Variants in HERC3 observed in about 807,000 individuals in gnomAD.
HERC3 encodes HECT and RLD domain containing E3 ubiquitin protein ligase 3, also known as probable E3 ubiquitin-protein ligase HERC3.
HERC3 carries 58 observed loss-of-function variants against 129.9 expected under a neutral mutation model. The observed-to-expected ratio is 0.45, with a 90% CI of 0.36 to 0.56. The LOEUF (loss-of-function observed/expected upper bound fraction) is 0.56. HERC3 is among the 20% of genes least tolerant of loss of function. The pLI, the probability that HERC3 is intolerant of heterozygous loss-of-function variation, is 0.00. For synonymous variants in HERC3, 430 were observed against 451.0 expected (o/e 0.95, Z 0.59); for missense variants, 835 against 1,244.2 (o/e 0.67, Z 4.95).
intron 3 of HERC3, among the ~76,000 whole-genome samples, chr4:88,615,294 G>C (rs570415244): frequency 6.6e-6 from 1 of 151,996 alleles, no homozygotes; most frequent in South Asian, 2.1e-4. Flanking sequence ...GCCTGAATGG[G>C]GTATATCTGG....
chr4:88,527,631 A>T, the HERC3 span: 1 of 261,606 alleles, frequency 3.8e-6, no homozygotes, highest in Non-Finnish European at 7.3e-6. Flanking sequence ...ACAGTTTGGG[A>T]GTGCTCTTCC....
chr4:88,616,205 A>G (rs1207136151), intron 3 of HERC3, among the ~76,000 whole-genome samples: 1 of 151,570 alleles, frequency 6.6e-6, no homozygotes, highest in Non-Finnish European at 1.5e-5. Flanking sequence ...TCTTTACTTT[A>G]TTGTTCTCAT....
At chr4:88,677,114 G>T (rs975855204) in intron 18 of HERC3, among the ~76,000 whole-genome samples, 2 of 151,584 alleles carry the variant, frequency 1.3e-5, no homozygotes, top group Admixed American at 6.6e-5. Context: ...CAGCCTGGGC[G>T]ACAGAGCAAG....
the HERC3 span, among the ~76,000 whole-genome samples, chr4:88,534,005 C>G: frequency 5.3e-5 from 8 of 152,136 alleles, no homozygotes; most frequent in African/African-American, 1.9e-4. Flanking sequence ...TTCTCCACTG[C>G]CCTCCTGCTA....
intron 16 of HERC3, 113 bp downstream of exon 16, chr4:88,670,365 C>A: frequency 1.4e-6 from 1 of 704,444 alleles, no homozygotes; most frequent in Non-Finnish European, 2.4e-6. Flanking sequence ...ATTCTTCATC[C>A]AGCTGGCCTT....
the HERC3 span, among the ~76,000 whole-genome samples, chr4:88,553,836 C>T: frequency 6.6e-6 from 1 of 152,156 alleles, no homozygotes; most frequent in South Asian, 2.1e-4. Context: ...GCGCGGCCAC[C>T]ATATAATTTC....
In HERC3 at chr4:88,677,820, T is replaced by G. The variant is rs79128029; in HGVS notation, c.2026-144T>G. On this transcript the variant is annotated intron_variant, in intron 18 of 25. Coordinates refer to ENST00000402738, the MANE Select transcript of HERC3 (RefSeq NM_014606.3). ...GAGTGCTGTGTAAACATAAGTAACT[T>G]AGAAAATCTGTGGAAGTTAAGAGGG... 478 of 648,252 alleles carry G rather than the reference T, an allele frequency of 7.4e-4. 1 individual carries two copies. In the African/African-American group the frequency reaches 7.4e-3, roughly 10 times the overall value. The allele number at this position is 648,252 out of a possible 1,614,324, so 40.2% of individuals were successfully genotyped here. A position where few individuals can be genotyped will look rare whatever the true frequency, so the allele number is the denominator to read the frequency against.
chr4:88,646,239 C>T (rs1728677427), intron 3 of HERC3, among the ~76,000 whole-genome samples: 1 of 152,154 alleles, frequency 6.6e-6, no homozygotes, highest in Non-Finnish European at 1.5e-5. Flanking sequence ...CTCATATCAT[C>T]CTTCTCAGTT....
intron 2 of HERC3, among the ~76,000 whole-genome samples, chr4:88,602,030 T>C (rs1378750309): frequency 2.6e-5 from 2 of 75,658 alleles, no homozygotes; most frequent in Non-Finnish European, 3.8e-5. Flanking sequence ...CACTCCAGCC[T>C]GGGCGACAGA....
At chr4:88,666,636 C>G (rs191180322) in intron 12 of HERC3, among the ~76,000 whole-genome samples, 2 of 152,220 alleles carry the variant, frequency 1.3e-5, no homozygotes, top group South Asian at 2.1e-4. Flanking sequence ...AAAACAGAAG[C>G]CTGCTTTGCA....
the HERC3 span, among the ~76,000 whole-genome samples, chr4:88,584,738 T>C: frequency 1.3e-5 from 2 of 152,228 alleles, no homozygotes; most frequent in Non-Finnish European, 2.9e-5. Flanking sequence ...AGCACCTTGA[T>C]AATGAATTTC....
the HERC3 span, among the ~76,000 whole-genome samples, chr4:88,558,875 G>A: frequency 1.3e-5 from 2 of 150,988 alleles, no homozygotes; most frequent in African/African-American, 4.9e-5. Flanking sequence ...GGCTGAGGCA[G>A]AAGAATGGCG....
the HERC3 span, among the ~76,000 whole-genome samples, chr4:88,547,578 A>AT: frequency 6.6e-6 from 1 of 152,156 alleles, no homozygotes; most frequent in African/African-American, 2.4e-5. Context: ...TAATTTGCCT[A>AT]TTTTGGATAT....
the HERC3 span, among the ~76,000 whole-genome samples, chr4:88,553,901 A>C: frequency 6.6e-6 from 1 of 152,238 alleles, no homozygotes; most frequent in Non-Finnish European, 1.5e-5. Flanking sequence ...CGGAGGTTGC[A>C]GTGAGCAGAG....
At chr4:88,588,204 A>C (rs1348046069), upstream of HERC3, among the ~76,000 whole-genome samples, 1 of 152,264 alleles carries the variant, frequency 6.6e-6, no homozygotes, top group East Asian at 1.9e-4. Context: ...AATAATCATA[A>C]GGGCTGTAAG....
chr4:88,542,950 A>T, the HERC3 span, among the ~76,000 whole-genome samples: 1 of 152,158 alleles, frequency 6.6e-6, no homozygotes, highest in Admixed American at 6.6e-5. Flanking sequence ...AAATAATAAG[A>T]GCTATTTATG....
Position 88,605,821 on chromosome 4 carries a change from A to G in HERC3, c.-3A>G. The G allele has an allele frequency of 1.9e-6, 3 of 1,612,298 alleles. No homozygotes were observed. Among genetic ancestry groups the G allele is most frequent in the Non-Finnish European group, 2.5e-6 (3 of 1,178,292 alleles). On this transcript the variant is annotated 5_prime_UTR_variant, in exon 3 of 26. Coordinates refer to ENST00000402738, the MANE Select transcript of HERC3 (RefSeq NM_014606.3). ...CTACATGATTCCCTGAAAGATAAGA[A>G]CAATGTTATGTTGGGGATATTGGTC...
chr4:88,573,459 T>C, the HERC3 span, among the ~76,000 whole-genome samples: 2 of 152,186 alleles, frequency 1.3e-5, no homozygotes, highest in Non-Finnish European at 2.9e-5. Flanking sequence ...TAGGGACCCA[T>C]GAAGCATGGA....
intron 3 of HERC3, among the ~76,000 whole-genome samples, chr4:88,633,418 A>G (rs1726994246): frequency 1.3e-5 from 2 of 152,180 alleles, no homozygotes; most frequent in Admixed American, 1.3e-4. Flanking sequence ...AAAGTAACCT[A>G]TATGGTGGTA....
Sources: allele counts gnomAD v4.1 joint callset (sites outside exome capture counted in the v4.1 genomes callset), GRCh38; gene constraint gnomAD v4.1.1; transcripts MANE v1.5; gene names NCBI Gene and HGNC (gene_info 2026-07-23, HGNC 2026-07-21).